The following NPAS3 variants were observed in gnomAD, a reference collection of about 807,000 sequenced individuals.
NPAS3 encodes neuronal PAS domain-containing protein 3.
Under a neutral mutation model 73.1 loss-of-function variants are expected in NPAS3, and 14 were observed. The ratio of observed to expected loss-of-function variants is 0.19; its 90% confidence interval spans 0.13 to 0.30. The LOEUF is 0.30. Ranked by LOEUF, NPAS3 falls within the 10% of genes least tolerant of loss-of-function variation. The pLI is 1.00. For missense variants in NPAS3, 1,096 were observed against 1,250.0 expected (o/e 0.88, Z 1.86); for synonymous variants, 620 against 541.5 (o/e 1.14, Z -2.01).
chr14:33,487,604 G>C (rs2051674781), intron 4 of NPAS3, among the ~76,000 whole-genome samples: 1 of 152,188 alleles, frequency 6.6e-6, no homozygotes, highest in Non-Finnish European at 1.5e-5. Context: ...AATGTATCCA[G>C]TTATTGAATT....
chr14:33,582,449 G>C (rs2056702635), intron 5 of NPAS3, among the ~76,000 whole-genome samples: 1 of 152,142 alleles, frequency 6.6e-6, no homozygotes, highest in South Asian at 2.1e-4. Flanking sequence ...ACTTTGCTAT[G>C]TTCCTGAAGT....
chr14:33,335,610 C>A (rs2044189966), intron 3 of NPAS3, among the ~76,000 whole-genome samples: 1 of 152,138 alleles, frequency 6.6e-6, no homozygotes, highest in Admixed American at 6.6e-5. Context: ...TTGGAAGTTC[C>A]CAGGCCAGTT....
chr14:33,755,887 A>C (rs2140795067), intron 7 of NPAS3, among the ~76,000 whole-genome samples: 1 of 152,218 alleles, frequency 6.6e-6, no homozygotes, highest in East Asian at 1.9e-4. Flanking sequence ...ATGGAAAGAG[A>C]GGAAGCAAGC....
chr14:33,256,925 A>T (rs2048798808), intron 3 of NPAS3, among the ~76,000 whole-genome samples: 1 of 152,152 alleles, frequency 6.6e-6, no homozygotes, highest in Non-Finnish European at 1.5e-5. Flanking sequence ...CAGACAGGAG[A>T]GCAGACCCCT....
chr14:32,979,089 A>G (rs2139383287), intron 1 of NPAS3, among the ~76,000 whole-genome samples: 1 of 152,346 alleles, frequency 6.6e-6, no homozygotes, highest in Admixed American at 6.5e-5. Flanking sequence ...TGAATCTCAT[A>G]GTATTCTTAA....
At chr14:33,087,978 G>T (rs140778652) in intron 2 of NPAS3, among the ~76,000 whole-genome samples, 1 of 152,196 alleles carries the variant, frequency 6.6e-6, no homozygotes, top group African/African-American at 2.4e-5. Context: ...AGTGAGGGGG[G>T]AGTCTAGATT....
At position 32,953,125 on chromosome 14, in the gene NPAS3, C is replaced by CA. The variant is rs1276281544; in HGVS notation, c.50+13768dup. Among the ~76,000 whole-genome samples, 498 of 129,176 alleles carry CA rather than the reference C, an allele frequency of 3.9e-3. 1 individual carries two copies. Among genetic ancestry groups the CA allele is most frequent in the Non-Finnish European group, 4.7e-3 (280 of 59,952 alleles). 84.7% of individuals were successfully genotyped at this position (129,176 alleles called of 152,430 possible). A position where few individuals can be genotyped will look rare whatever the true frequency, so the allele number is the denominator to read the frequency against. ...ACAACAAAAAACCCCAAACAACAACCAAAAAAAAAGAAAAAAAAAAAAACA... is the reference window on the plus strand; with the variant it reads ...ACAACAAAAAACCCCAAACAACAACCAAAAAAAAAAGAAAAAAAAAAAAACA... On this transcript the variant is annotated intron_variant, in intron 1 of 11. Coordinates refer to ENST00000356141, the Ensembl canonical transcript of NPAS3.
rs78235852 is a variant in NPAS3 at position 33,554,864 on chromosome 14, G to A, written c.469-5257G>A. 8.5e-3 allele frequency among the ~76,000 whole-genome samples: 1,291 copies of A among 152,278 alleles called. 23 individuals carry two copies. The highest frequency in any genetic ancestry group is 0.029 in the African/African-American group (1,221 of 41,546). On this transcript the variant is annotated intron_variant, in intron 4 of 11. Coordinates refer to ENST00000356141, the Ensembl canonical transcript of NPAS3. ...AAACATTAGTATACCTTCAGTCATGGACCTGTGGTTAGTTCCACACCCTGC... is the reference window on the plus strand; with the variant it reads ...AAACATTAGTATACCTTCAGTCATGAACCTGTGGTTAGTTCCACACCCTGC...
intron 3 of NPAS3, among the ~76,000 whole-genome samples, chr14:33,344,696 A>G (rs576907547): frequency 6.6e-6 from 1 of 152,346 alleles, no homozygotes; most frequent in African/African-American, 2.4e-5. Context: ...ATCATATAAT[A>G]AAGCAATTTT....
intron 2 of NPAS3, among the ~76,000 whole-genome samples, chr14:33,117,461 AC>A (rs1218574289): frequency 3.9e-5 from 6 of 152,154 alleles, no homozygotes; most frequent in Admixed American, 3.9e-4. Context: ...TGAAATGTTT[AC>A]ATTAGCTGAG....
intron 2 of NPAS3, among the ~76,000 whole-genome samples, chr14:33,097,549 G>A (rs545726444): frequency 1.3e-4 from 20 of 152,324 alleles, no homozygotes; most frequent in African/African-American, 4.8e-4. Flanking sequence ...ATATGTAGAT[G>A]TGTAGTTTGC....
chr14:33,007,006 G>C (rs2039022718), intron 1 of NPAS3, among the ~76,000 whole-genome samples: 1 of 151,614 alleles, frequency 6.6e-6, no homozygotes. Context: ...CATAGAGTAA[G>C]CTTGAATTAT....
chr14:33,687,132 G>A (rs2060112074), intron 6 of NPAS3, among the ~76,000 whole-genome samples: 1 of 152,174 alleles, frequency 6.6e-6, no homozygotes. Flanking sequence ...TCTGTAGCCA[G>A]GAGCTAATTA....
intron 5 of NPAS3, among the ~76,000 whole-genome samples, chr14:33,625,937 C>G (rs2058207315): frequency 6.6e-6 from 1 of 152,094 alleles, no homozygotes; most frequent in African/African-American, 2.4e-5. Flanking sequence ...CATTTGTGGT[C>G]TTATAGACTT....
chr14:33,198,939 C>T (rs1303189660), intron 2 of NPAS3, among the ~76,000 whole-genome samples: 2 of 152,212 alleles, frequency 1.3e-5, no homozygotes, highest in African/African-American at 4.8e-5. Context: ...GCTGGCAGTG[C>T]TGGGGGAACC....
chr14:33,670,852 G>T (rs891978788), intron 5 of NPAS3, among the ~76,000 whole-genome samples: 29 of 150,734 alleles, frequency 1.9e-4, no homozygotes, highest in African/African-American at 6.6e-4. Context: ...AGGGAGTGGG[G>T]CCTGGATGCA....
At chr14:33,581,461 A>G (rs1221564713) in intron 5 of NPAS3, among the ~76,000 whole-genome samples, 1 of 152,238 alleles carries the variant, frequency 6.6e-6, no homozygotes, top group Non-Finnish European at 1.5e-5. Flanking sequence ...GATATATTGT[A>G]AAAAATCTGC....
chr14:33,506,165 G>C (rs1350212766), intron 4 of NPAS3, among the ~76,000 whole-genome samples: 2 of 151,756 alleles, frequency 1.3e-5, no homozygotes, highest in Admixed American at 1.3e-4. Context: ...TTATTTACTT[G>C]TTCGTCATCT....
intron 5 of NPAS3, among the ~76,000 whole-genome samples, chr14:33,600,198 C>T (rs1226844034): frequency 6.6e-6 from 1 of 152,146 alleles, no homozygotes; most frequent in Admixed American, 6.5e-5. Context: ...CACAGAATAA[C>T]TAAATATTAA....
Sources: allele counts gnomAD v4.1 joint callset (sites outside exome capture counted in the v4.1 genomes callset), GRCh38; gene constraint gnomAD v4.1.1; transcripts MANE v1.5; gene names NCBI Gene and HGNC (gene_info 2026-07-23, HGNC 2026-07-21).